The following GPHN variants were observed in gnomAD, a reference collection of about 807,000 sequenced individuals.
The protein encoded by GPHN is gephyrin.
GPHN carries 17 observed loss-of-function variants against 95.5 expected under a neutral mutation model. That is an observed-to-expected ratio of 0.18 (90% CI 0.12 to 0.27). The LOEUF is 0.27. GPHN is among the 10% of genes least tolerant of loss of function. The pLI, the probability that GPHN is intolerant of heterozygous loss-of-function variation, is 1.00. For missense variants in GPHN, 660 were observed against 978.1 expected (o/e 0.67, Z 4.34); for synonymous variants, 320 against 322.5 (o/e 0.99, Z 0.08).
chr14:66,609,953 A>G (rs1045430844), intron 1 of GPHN, among the ~76,000 whole-genome samples: 2 of 152,118 alleles, frequency 1.3e-5, no homozygotes, highest in Non-Finnish European at 2.9e-5. Context: ...AATCTGGTTA[A>G]GATCTATTGC....
chr14:67,135,436 C>T (rs1192120501), intron 17 of GPHN, among the ~76,000 whole-genome samples: 1 of 152,180 alleles, frequency 6.6e-6, no homozygotes, highest in Non-Finnish European at 1.5e-5. Context: ...TAACAAGTAT[C>T]ATTCTTCCAT....
intron 5 of GPHN, among the ~76,000 whole-genome samples, chr14:66,890,358 CCT>C (rs1478011552): frequency 2.0e-5 from 3 of 150,810 alleles, no homozygotes; most frequent in Non-Finnish European, 4.4e-5. Context: ...CACAGTGAGC[CCT>C]GATCATGCGC....
the GPHN span, chr14:67,228,700 T>G: frequency 6.6e-6 from 1 of 152,236 alleles, no homozygotes; most frequent in Non-Finnish European, 1.5e-5. Context: ...TTCTTTGGGA[T>G]TGATGGAAAA....
At chr14:67,077,992 A>G (rs1310969120) in intron 11 of GPHN, among the ~76,000 whole-genome samples, 1 of 152,158 alleles carries the variant, frequency 6.6e-6, no homozygotes, top group Non-Finnish European at 1.5e-5. Flanking sequence ...GTAAATATGC[A>G]TGTGTGTTTA....
the GPHN span, among the ~76,000 whole-genome samples, chr14:67,538,272 G>A: frequency 6.6e-6 from 1 of 152,182 alleles, no homozygotes; most frequent in Non-Finnish European, 1.5e-5. Flanking sequence ...GAGGACAATT[G>A]TAGATATTGG....
the GPHN span, chr14:67,600,237 G>GCTGCACTGCGCTCGCCGGC: frequency 2.7e-6 from 4 of 1,506,852 alleles, no homozygotes; most frequent in African/African-American, 5.6e-5. Flanking sequence ...ACCGCGCGGC[G>GCTGCACTGCGCTCGCCGGC]CTGCACTGCG....
intron 1 of GPHN, among the ~76,000 whole-genome samples, chr14:66,624,176 T>C (rs2063427294): frequency 6.6e-6 from 1 of 152,222 alleles, no homozygotes; most frequent in African/African-American, 2.4e-5. Context: ...ATGTACCATT[T>C]CATAATTTCT....
At chr14:66,530,807 C>T (rs1419573903) in intron 1 of GPHN, among the ~76,000 whole-genome samples, 1 of 152,054 alleles carries the variant, frequency 6.6e-6, no homozygotes, top group African/African-American at 2.4e-5. Flanking sequence ...TAACCAGTCC[C>T]AATGAGATGA....
chr14:67,550,355 A>G, the GPHN span, among the ~76,000 whole-genome samples: 3 of 152,042 alleles, frequency 2.0e-5, no homozygotes, highest in Admixed American at 6.6e-5. Context: ...TGCCTGGCTG[A>G]TTTTTGTATT....
At chr14:67,149,477 C>G (rs1185174867) in intron 18 of GPHN, among the ~76,000 whole-genome samples, 4 of 152,114 alleles carry the variant, frequency 2.6e-5, no homozygotes, top group Non-Finnish European at 5.9e-5. Flanking sequence ...CTATAGCTCA[C>G]ATAAACAAAA....
chr14:67,683,961 G>C, the GPHN span, among the ~76,000 whole-genome samples: 2 of 152,184 alleles, frequency 1.3e-5, no homozygotes, highest in Non-Finnish European at 2.9e-5. Context: ...ATTCAGGCTT[G>C]AAATTCAGGT....
chr14:67,663,021 C>A, the GPHN span: 1 of 1,402,434 alleles, frequency 7.1e-7, no homozygotes, highest in Non-Finnish European at 9.2e-7. Flanking sequence ...AATAAAAATT[C>A]CACCTACTCG....
chr14:67,237,842 C>T, the GPHN span, among the ~76,000 whole-genome samples: 1 of 152,132 alleles, frequency 6.6e-6, no homozygotes, highest in Non-Finnish European at 1.5e-5. Context: ...AGGTGAACTG[C>T]TTTCTGACGA....
intron 1 of GPHN, among the ~76,000 whole-genome samples, chr14:66,548,008 T>TCC (rs2059663286): frequency 6.6e-6 from 1 of 152,198 alleles, no homozygotes; most frequent in African/African-American, 2.4e-5. Context: ...TGAAGGTTTG[T>TCC]GGCAACCTTT....
chr14:67,204,478 G>A, the GPHN span: 3 of 1,491,256 alleles, frequency 2.0e-6, no homozygotes, highest in Admixed American at 2.6e-5. Context: ...TATAAGAAAG[G>A]CCTTTTTATA....
intron 8 of GPHN, among the ~76,000 whole-genome samples, chr14:66,964,082 T>G (rs1384175010): frequency 1.3e-5 from 2 of 152,188 alleles, no homozygotes; most frequent in Non-Finnish European, 2.9e-5. Flanking sequence ...ATGAACTAAA[T>G]TATGCAAGGC....
chr14:67,561,920 G>A, the GPHN span: 1 of 1,485,442 alleles, frequency 6.7e-7, no homozygotes, highest in Admixed American at 1.7e-5. Context: ...CTGTAGGCTG[G>A]GTGTCCTAAA....
intron 4 of GPHN, among the ~76,000 whole-genome samples, chr14:66,876,497 A>T (rs2063670499): frequency 6.6e-6 from 1 of 152,112 alleles, no homozygotes; most frequent in African/African-American, 2.4e-5. Context: ...GAGATAGAAC[A>T]CTAGCCAGAC....
At chr14:67,352,954 C>T in the GPHN span, 2 of 1,612,694 alleles carry the variant, frequency 1.2e-6, no homozygotes, top group Non-Finnish European at 1.7e-6. Flanking sequence ...CTGTCGAAAT[C>T]GAAGAGTTAA....
Sources: allele counts gnomAD v4.1 joint callset (sites outside exome capture counted in the v4.1 genomes callset), GRCh38; gene constraint gnomAD v4.1.1; transcripts MANE v1.5; gene names NCBI Gene and HGNC (gene_info 2026-07-23, HGNC 2026-07-21).